COL21A1: variants seen among roughly 807,000 people sequenced by gnomAD.
COL21A1 encodes the protein collagen type XXI alpha 1 chain, also known as collagen alpha-1(XXI) chain.
COL21A1 carries 149 observed loss-of-function variants against 137.9 expected under a neutral mutation model. The observed-to-expected ratio is 1.08, with a 90% CI of 0.95 to 1.24. COL21A1 has a LOEUF of 1.24. Among genes scored for constraint, COL21A1 ranks in the 50% most tolerant of loss-of-function variants. The pLI is 0.00. For missense variants in COL21A1, 1,167 were observed against 1,158.4 expected (o/e 1.01, Z -0.11); for synonymous variants, 456 against 391.5 (o/e 1.16, Z -1.95).
At chr6:56,147,271 AACACC>A (rs1774904280) in intron 10 of COL21A1, among the ~76,000 whole-genome samples, 1 of 152,022 alleles carries the variant, frequency 6.6e-6, no homozygotes, top group Non-Finnish European at 1.5e-5. Context: ...CATAGTACTT[AACACC>A]ATCTGATGTT....
intron 1 of COL21A1, among the ~76,000 whole-genome samples, chr6:56,279,381 T>C (rs1340764409): frequency 6.6e-6 from 1 of 152,214 alleles, no homozygotes; most frequent in East Asian, 1.9e-4. Flanking sequence ...TTTACAGCAA[T>C]GTGAGAACTG....
chr6:56,200,910 A>T (rs1350952188), intron 1 of COL21A1, among the ~76,000 whole-genome samples: 1 of 152,158 alleles, frequency 6.6e-6, no homozygotes, highest in Non-Finnish European at 1.5e-5. Flanking sequence ...ACTAGTTTAC[A>T]GTCCCACCAA....
intron 1 of COL21A1, among the ~76,000 whole-genome samples, chr6:56,329,598 G>A (rs1207382930): frequency 6.6e-6 from 1 of 152,026 alleles, no homozygotes; most frequent in East Asian, 1.9e-4. Flanking sequence ...TTTTTCAGCT[G>A]AGAACATGCA....
chr6:56,375,324 C>A (rs2093997060), intron 1 of COL21A1, among the ~76,000 whole-genome samples: 1 of 152,184 alleles, frequency 6.6e-6, no homozygotes, highest in South Asian at 2.1e-4. Flanking sequence ...GGAGGCTGAA[C>A]CGTATGGACT....
intron 13 of COL21A1, 113 bp downstream of exon 13, chr6:56,125,979 ACTTT>A: frequency 1.9e-6 from 1 of 518,912 alleles, no homozygotes; most frequent in East Asian, 3.6e-5. Context: ...CCCATTGTTT[ACTTT>A]ATCTCTAATT....
chr6:56,348,464 G>C (rs1442525489), intron 1 of COL21A1, among the ~76,000 whole-genome samples: 3 of 152,118 alleles, frequency 2.0e-5, no homozygotes, highest in Non-Finnish European at 4.4e-5. Flanking sequence ...GGAAACACAG[G>C]CTCAGCTCCA....
At chr6:56,139,060 T>C (rs1198236445) in intron 12 of COL21A1, among the ~76,000 whole-genome samples, 2 of 152,068 alleles carry the variant, frequency 1.3e-5, no homozygotes, top group Non-Finnish European at 2.9e-5. Context: ...TAGGTACATA[T>C]ACGGGTAGGA....
chr6:56,258,103 CTA>C (rs1763160201), intron 1 of COL21A1, among the ~76,000 whole-genome samples: 1 of 151,986 alleles, frequency 6.6e-6, no homozygotes, highest in Non-Finnish European at 1.5e-5. Flanking sequence ...GTCTTTTTGA[CTA>C]AAAATATTCA....
chr6:56,154,198 C>T (rs971910113), intron 10 of COL21A1, among the ~76,000 whole-genome samples: 6 of 152,130 alleles, frequency 3.9e-5, no homozygotes, highest in African/African-American at 1.2e-4. Flanking sequence ...TGCTCACTCC[C>T]ACTCCACTAC....
At chr6:56,274,447 T>C (rs986667393) in intron 1 of COL21A1, among the ~76,000 whole-genome samples, 1 of 152,228 alleles carries the variant, frequency 6.6e-6, no homozygotes, top group Non-Finnish European at 1.5e-5. Flanking sequence ...GCTGATGATA[T>C]GATTCTGTAC....
chr6:56,375,775 G>A (rs540691299), intron 1 of COL21A1, among the ~76,000 whole-genome samples: 2 of 152,280 alleles, frequency 1.3e-5, no homozygotes, highest in Non-Finnish European at 2.9e-5. Flanking sequence ...GGCTTGGGGT[G>A]GGTGTGGGGG....
chr6:56,084,597 T>C (rs1007624846), intron 17 of COL21A1, among the ~76,000 whole-genome samples: 1 of 151,938 alleles, frequency 6.6e-6, no homozygotes, highest in Admixed American at 6.6e-5. Flanking sequence ...AAGGATTAGA[T>C]AAAACTAATA....
chr6:56,150,544 ACACACACACACACACACACAC>A (rs1775231142), intron 10 of COL21A1, among the ~76,000 whole-genome samples: 7 of 151,570 alleles, frequency 4.6e-5, no homozygotes, highest in Middle Eastern at 6.8e-3. Context: ...ACACACACAC[ACACACACACACACACACACAC>A]AAGAGTGGGG....
At chr6:56,141,874 C>T (rs10807510) in intron 11 of COL21A1, 36 bp from the exon 12 acceptor site, 230,285 of 1,607,410 alleles carry the variant, frequency 0.14, 17,026 homozygotes, top group Middle Eastern at 0.17. Context: ...TGTTAATTAT[C>T]GGTTTTAGTT....
chr6:56,177,630 T>TA lies in COL21A1; in HGVS notation c.640+1947dup, dbSNP rs1031713018. The stretch of plus-strand genomic sequence containing the variant: ...TAACACGGTGAAACCCGTTCTCTAC[T>TA]AAAAAATAGAAAAAATTAGCCGGGC... On this transcript the variant is annotated intron_variant, in intron 3 of 29. Transcript: ENST00000244728. Among the ~76,000 whole-genome samples, 9 of 151,704 alleles carry TA rather than the reference T, an allele frequency of 5.9e-5. No homozygotes were observed. The South Asian group carries it at 1.5e-3, about 25-fold the overall frequency.
chr6:56,176,472 C>A (rs959999670), intron 3 of COL21A1, among the ~76,000 whole-genome samples: 6 of 151,126 alleles, frequency 4.0e-5, no homozygotes, highest in African/African-American at 1.5e-4. Flanking sequence ...ATAAACATTT[C>A]TCCAAAAATG....
intron 1 of COL21A1, among the ~76,000 whole-genome samples, chr6:56,382,419 T>C (rs2094010170): frequency 6.6e-6 from 1 of 152,222 alleles, no homozygotes; most frequent in African/African-American, 2.4e-5. Context: ...TGAGATAGGT[T>C]CTCTGTTCTT....
chr6:56,367,755 C>T (rs1766134248), intron 1 of COL21A1, among the ~76,000 whole-genome samples: 1 of 152,186 alleles, frequency 6.6e-6, no homozygotes, highest in South Asian at 2.1e-4. Flanking sequence ...TTCTTTGTCA[C>T]CCAGGCTGGA....
intron 1 of COL21A1, among the ~76,000 whole-genome samples, chr6:56,184,037 A>G (rs1778100206): frequency 6.6e-6 from 1 of 152,210 alleles, no homozygotes; most frequent in Non-Finnish European, 1.5e-5. Context: ...TAGAGCATCT[A>G]GAACTTATGG....
Sources: allele counts gnomAD v4.1 joint callset (sites outside exome capture counted in the v4.1 genomes callset), GRCh38; gene constraint gnomAD v4.1.1; transcripts MANE v1.5; gene names NCBI Gene and HGNC (gene_info 2026-07-23, HGNC 2026-07-21).